The following STAG1 variants were observed in gnomAD, a reference collection of about 807,000 sequenced individuals.
STAG1 encodes the protein cohesin subunit SA-1.
A neutral mutation model predicts 170.9 loss-of-function variants in STAG1; 26 were observed. The ratio of observed to expected loss-of-function variants is 0.15; its 90% CI spans 0.11 to 0.21. The LOEUF is 0.21. STAG1 is among the 10% of genes least tolerant of loss of function. The pLI is 1.00. For missense variants in STAG1, 964 were observed against 1,509.5 expected (o/e 0.64, Z 5.99); for synonymous variants, 514 against 497.7 (o/e 1.03, Z -0.44).
In STAG1 at chr3:136,474,197, G is replaced by A. The variant is rs559881246; in HGVS notation, c.1027-560C>T. On this transcript the variant is annotated intron_variant, in intron 10 of 33. Coordinates refer to ENST00000383202, the MANE Select transcript of STAG1 (RefSeq NM_005862.3). ...TCTTTAATAAAGTCATCAACTTGGC[G>A]TACAGGATGTTGATGATCAAAATGC... 3.7e-4 allele frequency among the ~76,000 whole-genome samples: 56 copies of A among 152,242 alleles called. No individual in the cohort carries two copies. In the Middle Eastern group the frequency reaches 0.01, roughly 28 times the overall value.
rs1320178074 is a variant in STAG1 at position 136,465,000 on chromosome 3, A to G, written c.1206-12T>C. On this transcript the variant is annotated splice_polypyrimidine_tract_variant and intron_variant, in intron 12 of 33. Coordinates refer to ENST00000383202, the MANE Select transcript of STAG1 (RefSeq NM_005862.3). ...CTTCTTCACTTCCACTGAAAAATAC[A>G]GAAAGTAACATCTGATCTAAAGCAA... The G allele has an allele frequency of 1.9e-6, 3 of 1,580,034 alleles. No individual in the cohort carries two copies. Among genetic ancestry groups the G allele is most frequent in the Non-Finnish European group, 2.6e-6 (3 of 1,156,428 alleles).
At chr3:136,547,192 A>C (rs1936189519) in intron 5 of STAG1, among the ~76,000 whole-genome samples, 1 of 152,230 alleles carries the variant, frequency 6.6e-6, no homozygotes, top group Non-Finnish European at 1.5e-5. Context: ...GATAGTATAG[A>C]GATCCCATAC....
At chr3:136,528,867 T>C (rs1463530907) in intron 6 of STAG1, among the ~76,000 whole-genome samples, 3 of 151,316 alleles carry the variant, frequency 2.0e-5, no homozygotes, top group East Asian at 1.9e-4. Flanking sequence ...GAGGCAGAGG[T>C]TGCAGTGAGC....
intron 1 of STAG1, among the ~76,000 whole-genome samples, chr3:136,744,936 A>G (rs1198185844): frequency 6.6e-6 from 1 of 152,184 alleles, no homozygotes; most frequent in Non-Finnish European, 1.5e-5. Flanking sequence ...TCGGCCTCCC[A>G]GAGTGCTAGG....
chr3:136,730,614 C>T (rs1006701166), intron 1 of STAG1, among the ~76,000 whole-genome samples: 17 of 152,216 alleles, frequency 1.1e-4, no homozygotes, highest in African/African-American at 4.1e-4. Flanking sequence ...TAGTTCACAA[C>T]TCTCACTGTG....
intron 1 of STAG1, among the ~76,000 whole-genome samples, chr3:136,730,829 A>AT (rs909437435): frequency 6.6e-6 from 1 of 152,198 alleles, no homozygotes; most frequent in African/African-American, 2.4e-5. Context: ...TCCAAACACA[A>AT]TCAAGTAACA....
intron 5 of STAG1, among the ~76,000 whole-genome samples, chr3:136,554,226 G>C (rs576757381): frequency 7.4e-4 from 113 of 152,136 alleles, no homozygotes; most frequent in Non-Finnish European, 1.5e-3. Flanking sequence ...TGGAGAGAGA[G>C]ACAGACACAA....
intron 1 of STAG1, among the ~76,000 whole-genome samples, chr3:136,751,172 G>A (rs1199718492): frequency 7.3e-6 from 1 of 136,160 alleles, no homozygotes; most frequent in African/African-American, 2.8e-5. Context: ...GACAAATTGC[G>A]TTTTTTTTTT....
chr3:136,380,304 C>T (rs1042734232), intron 22 of STAG1, among the ~76,000 whole-genome samples: 10 of 151,436 alleles, frequency 6.6e-5, no homozygotes, highest in South Asian at 2.1e-4. Flanking sequence ...TGCAGTGGTG[C>T]GATCTTGGCC....
At chr3:136,734,290 G>A (rs1290919832) in intron 1 of STAG1, among the ~76,000 whole-genome samples, 3 of 151,906 alleles carry the variant, frequency 2.0e-5, no homozygotes, top group African/African-American at 7.3e-5. Flanking sequence ...AAAAGAGAGA[G>A]GCAGGTACCT....
chr3:136,351,083 G>A (rs1449749447), intron 28 of STAG1, among the ~76,000 whole-genome samples: 1 of 151,782 alleles, frequency 6.6e-6, no homozygotes, highest in African/African-American at 2.4e-5. Context: ...GGAAGGATTT[G>A]TTTCCCTTTG....
chr3:136,440,446 T>C (rs2088597200), intron 15 of STAG1, among the ~76,000 whole-genome samples: 1 of 152,034 alleles, frequency 6.6e-6, no homozygotes, highest in Middle Eastern at 3.4e-3. Flanking sequence ...CCTTAATTTA[T>C]ATTCTTTGCC....
Position 136,568,891 on chromosome 3 carries a change from T to G in STAG1, c.298-30A>C, listed in dbSNP as rs1478022889. The G allele has an allele frequency of 3.3e-6, 5 of 1,522,994 alleles. No individual in the cohort carries two copies. The East Asian group carries it at 6.9e-5, about 21-fold the overall frequency. 94.3% of individuals were successfully genotyped at this position (1,522,994 alleles called of 1,614,324 possible). On this transcript the variant is annotated intron_variant, in intron 4 of 33. Coordinates refer to ENST00000383202, the MANE Select transcript of STAG1 (RefSeq NM_005862.3). ...GGAAAAAAAATATAAAAATGAAAAC[T>G]TCAAAAAAATTTGATATTATAGCAA...
chr3:136,363,310 G>A, intron 26 of STAG1, 56 bp downstream of exon 26: 1 of 908,890 alleles, frequency 1.1e-6, no homozygotes. Context: ...ATTAAGCACA[G>A]AGAAGTGCAA....
At chr3:136,416,071 A>C (rs892301240) in intron 21 of STAG1, among the ~76,000 whole-genome samples, 3 of 151,848 alleles carry the variant, frequency 2.0e-5, no homozygotes, top group African/African-American at 7.3e-5. Flanking sequence ...GCAGTGGTAC[A>C]ATCTCTGCTC....
chr3:136,733,975 C>T (rs1423950548), intron 1 of STAG1, among the ~76,000 whole-genome samples: 2 of 151,834 alleles, frequency 1.3e-5, no homozygotes, highest in South Asian at 2.1e-4. Flanking sequence ...GGTGTGGTGG[C>T]GGGCACCTGT....
chr3:136,740,089 AAC>A (rs1206806710), intron 1 of STAG1, among the ~76,000 whole-genome samples: 1 of 152,096 alleles, frequency 6.6e-6, no homozygotes, highest in Non-Finnish European at 1.5e-5. Flanking sequence ...AATTCTAAAT[AAC>A]AGTTTAAAGA....
intron 9 of STAG1, among the ~76,000 whole-genome samples, chr3:136,479,184 G>A (rs2089853249): frequency 6.9e-6 from 1 of 145,322 alleles, no homozygotes; most frequent in Non-Finnish European, 1.5e-5. Flanking sequence ...CCACCAACGT[G>A]TCATCTAGCA....
At chr3:136,721,722 A>G (rs1933286664) in intron 1 of STAG1, among the ~76,000 whole-genome samples, 1 of 152,062 alleles carries the variant, frequency 6.6e-6, no homozygotes, top group African/African-American at 2.4e-5. Flanking sequence ...CAGGAGATCA[A>G]GACCATCCTG....
Sources: allele counts gnomAD v4.1 joint callset (sites outside exome capture counted in the v4.1 genomes callset), GRCh38; gene constraint gnomAD v4.1.1; transcripts MANE v1.5; gene names NCBI Gene and HGNC (gene_info 2026-07-23, HGNC 2026-07-21).